Variants in TEKT5 observed in about 807,000 individuals in gnomAD.
The protein encoded by TEKT5 is tektin-5.
TEKT5 carries 52 observed loss-of-function variants against 48.7 expected under a neutral mutation model. The ratio of observed to expected loss-of-function variants is 1.07; its 90% CI spans 0.86 to 1.35. The LOEUF (loss-of-function observed/expected upper bound fraction) is 1.35. Ranked by LOEUF, TEKT5 falls within the 40% of genes most tolerant of loss-of-function variation. TEKT5 has a pLI of 0.00. For synonymous variants in TEKT5, 318 were observed against 267.6 expected, an observed-to-expected ratio of 1.19 and a Z score of -1.84; for missense variants, 831 against 641.6, an observed-to-expected ratio of 1.30 and a Z score of -3.19.
At chr16:10,652,765 AACAC>A (rs59542661) in intron 5 of TEKT5, among the ~76,000 whole-genome samples, 5,215 of 33,610 alleles carry the variant, frequency 0.16, 664 homozygotes, top group Middle Eastern at 0.29. Context: ...TACACAGGCA[AACAC>A]ACACACACAC....
Position 10,652,765 on chromosome 16 carries a change from A to AAC in TEKT5, c.1087-16849_1087-16848dup, listed in dbSNP as rs59542661. 1.8e-3 allele frequency among the ~76,000 whole-genome samples: 61 copies of AAC among 33,982 alleles called. 1 individual carries two copies. Among genetic ancestry groups the AAC allele is most frequent in the East Asian group, 6.3e-3 (6 of 954 alleles). 22.3% of individuals were successfully genotyped at this position (33,982 alleles called of 152,430 possible). A position where few individuals can be genotyped will look rare whatever the true frequency, so the allele number is the denominator to read the frequency against. ...GAGTGATCCCTTATATACACAGGCA[A>AAC]ACACACACACACACACACACACACA... On this transcript the variant is annotated intron_variant, in intron 5 of 6. Transcript: ENST00000283025.
chr16:10,627,865 C>A, intron 6 of TEKT5, 66 bp from the exon 7 acceptor site: 1 of 1,455,708 alleles, frequency 6.9e-7, no homozygotes, highest in Non-Finnish European at 9.3e-7. Context: ...TTTTTTGAGA[C>A]AGAGTCTCAC....
chr16:10,651,126 T>C (rs2541552), intron 5 of TEKT5, among the ~76,000 whole-genome samples: 69,251 of 151,978 alleles, frequency 0.46, 17,963 homozygotes, highest in African/African-American at 0.72. Context: ...TTTAGTGACA[T>C]GGTCTTTCTG....
intron 5 of TEKT5, among the ~76,000 whole-genome samples, chr16:10,675,102 A>T (rs959298397): frequency 2.6e-5 from 4 of 152,144 alleles, no homozygotes; most frequent in Non-Finnish European, 5.9e-5. Context: ...CTGGGATTAC[A>T]GGTGTGAGCC....
chr16:10,649,990 C>T (rs909273290), intron 5 of TEKT5, among the ~76,000 whole-genome samples: 21 of 152,152 alleles, frequency 1.4e-4, no homozygotes, highest in Admixed American at 1.4e-3. Context: ...CCTGTTTCTC[C>T]ACCACCCCCA....
intron 5 of TEKT5, chr16:10,671,856 T>C (rs1447183708): frequency 6.6e-6 from 1 of 152,194 alleles, no homozygotes; most frequent in Non-Finnish European, 1.5e-5. Context: ...TTATTCACTA[T>C]CACGAGAAAA....
intron 5 of TEKT5, among the ~76,000 whole-genome samples, chr16:10,652,143 A>G (rs1898169106): frequency 6.6e-6 from 1 of 152,158 alleles, no homozygotes; most frequent in South Asian, 2.1e-4. Flanking sequence ...GAGACAATCC[A>G]GCAATGCGAT....
chr16:10,682,259 C>T lies in TEKT5; in HGVS notation c.720-123G>A, dbSNP rs962272109. The T allele has an allele frequency of 7.9e-6, 8 of 1,010,430 alleles. No individual in the cohort carries two copies. In the African/African-American group the frequency reaches 1.3e-4, roughly 16 times the overall value. The allele number at this position is 1,010,430 out of a possible 1,614,324, so 62.6% of individuals were successfully genotyped here. A position where few individuals can be genotyped will look rare whatever the true frequency, so the allele number is the denominator to read the frequency against. On this transcript the variant is annotated intron_variant, in intron 3 of 6. Transcript: ENST00000283025. ...GAAAGCCACCCAGTAGCTTCTCAGT[C>T]CTCTTCCCACCTCCATGTCCCACCA...
chr16:10,635,893 T>A lies in TEKT5; in HGVS notation c.1112A>T (p.Glu371Val), dbSNP rs943623930. 6.2e-7 allele frequency: 1 copy of A among 1,613,912 alleles called. No individual in the cohort carries two copies. Among genetic ancestry groups the A allele is most frequent in the African/African-American group, 1.3e-5 (1 of 74,894 alleles). ...AKTLQEIFQA[E>V]NTIMLLERSI... ...CCTTTCCAGCAGCATGATGGTGTTC[T>A]CGGCCTGGAAGATCTCCTGCAGCGT... is the stretch of plus-strand genomic sequence containing the variant. Residue 371 changes from glutamate (E) to valine (V), a missense_variant, in exon 6 of 7, where the codon GAG becomes GTG. By Grantham distance (121) the Glu-to-Val change is moderately radical (BLOSUM62 -2). Coordinates refer to ENST00000283025, the MANE Select transcript of TEKT5 (RefSeq NM_144674.2).
In TEKT5 at chr16:10,627,981, G is replaced by A. The variant is rs567712381; in HGVS notation, c.1242-182C>T. ...CAGCCTCCCGAGTAGCTGGGATTAC[G>A]GGCATGCACCACAACACCCAGCTAA... On this transcript the variant is annotated intron_variant, in intron 6 of 6. Transcript: ENST00000283025. Among the ~76,000 whole-genome samples, 6 of 151,876 alleles carry A rather than the reference G, an allele frequency of 4.0e-5. No homozygotes were observed. In the East Asian group the frequency reaches 5.8e-4, roughly 15 times the overall value.
At chr16:10,638,180 G>A (rs554662416) in intron 5 of TEKT5, among the ~76,000 whole-genome samples, 8 of 152,292 alleles carry the variant, frequency 5.3e-5, no homozygotes, top group Admixed American at 3.3e-4. Context: ...ATAAAAGAAC[G>A]AGAGAATGAA....
intron 6 of TEKT5, among the ~76,000 whole-genome samples, chr16:10,631,500 G>A (rs143464802): frequency 2.9e-4 from 44 of 152,192 alleles, no homozygotes; most frequent in Non-Finnish European, 5.6e-4. Flanking sequence ...CACATGGAGC[G>A]GATCGGGTGG....
At chr16:10,652,314 A>G (rs1898171290) in intron 5 of TEKT5, among the ~76,000 whole-genome samples, 1 of 151,842 alleles carries the variant, frequency 6.6e-6, no homozygotes, top group Non-Finnish European at 1.5e-5. Context: ...TCTCCCACAC[A>G]CTCTGAAAAA....
intron 5 of TEKT5, among the ~76,000 whole-genome samples, chr16:10,638,764 C>G (rs992255682): frequency 5.3e-5 from 8 of 152,210 alleles, no homozygotes; most frequent in African/African-American, 1.7e-4. Flanking sequence ...CTACCCTGTT[C>G]ACCATAATTA....
Position 10,670,749 on chromosome 16 carries a change from G to A in TEKT5, c.1086+5210C>T, listed in dbSNP as rs140557343. Among the ~76,000 whole-genome samples the A allele has an allele frequency of 1.2e-4, 18 of 152,198 alleles. No individual in the cohort carries two copies. The East Asian group carries it at 3.3e-3, about 28-fold the overall frequency. On this transcript the variant is annotated intron_variant, in intron 5 of 6. Transcript: ENST00000283025. ...CTAACTTATTTGCAGAACAGCTGGT[G>A]ATTAAATTATGACTATTAATAAAAA...
chr16:10,645,664 A>T (rs910366020), intron 5 of TEKT5, among the ~76,000 whole-genome samples: 1 of 152,248 alleles, frequency 6.6e-6, no homozygotes, highest in East Asian at 1.9e-4. Context: ...TTGGCCAGAC[A>T]TGGTGGCAAG....
rs551518246 is a variant in TEKT5 at position 10,640,807 on chromosome 16, A to G, written c.1087-4889T>C. Among the ~76,000 whole-genome samples the G allele has an allele frequency of 2.6e-5, 4 of 152,306 alleles. No individual in the cohort carries two copies. In the South Asian group the frequency reaches 8.3e-4, roughly 32 times the overall value. On this transcript the variant is annotated intron_variant, in intron 5 of 6. Coordinates refer to ENST00000283025, the MANE Select transcript of TEKT5 (RefSeq NM_144674.2). ...ATTATTCATGTTGTTGTGTGTATCAATGATCTGTTTCATTTCATTGCACAA... is the reference window on the plus strand; with the variant it reads ...ATTATTCATGTTGTTGTGTGTATCAGTGATCTGTTTCATTTCATTGCACAA...
intron 5 of TEKT5, among the ~76,000 whole-genome samples, chr16:10,644,656 G>A (rs1898043904): frequency 6.6e-6 from 1 of 152,198 alleles, no homozygotes; most frequent in Admixed American, 6.5e-5. Context: ...ATGGCTTCCT[G>A]ACTATAACAT....
chr16:10,652,618 A>T (rs1898180539), intron 5 of TEKT5, among the ~76,000 whole-genome samples: 1 of 103,650 alleles, frequency 9.6e-6, no homozygotes, highest in Non-Finnish European at 1.9e-5. Flanking sequence ...ACACACACAC[A>T]CACACACACA....
Sources: gnomAD v4.1 joint callset for allele counts (sites outside exome capture counted in the v4.1 genomes callset) on GRCh38, gnomAD v4.1.1 for gene constraint, MANE v1.5 for transcripts, NCBI Gene and HGNC (gene_info 2026-07-23, HGNC 2026-07-21) for gene names.